The following PCDHA11 variants were observed in gnomAD, a reference collection of about 807,000 sequenced individuals.
PCDHA11 encodes the protein protocadherin alpha 11, also known as protocadherin alpha-11.
A neutral mutation model predicts 70.3 loss-of-function variants in PCDHA11; 61 were observed. The observed-to-expected ratio is 0.87, with a 90% CI of 0.71 to 1.07. PCDHA11 has a LOEUF of 1.07. Ranked by LOEUF, PCDHA11 falls within the 50% of genes least tolerant of loss-of-function variation. The pLI, the probability that PCDHA11 is intolerant of heterozygous loss-of-function variation, is 0.00. For missense variants in PCDHA11, 1,324 were observed against 1,237.5 expected (o/e 1.07, Z -1.05); for synonymous variants, 633 against 555.1 (o/e 1.14, Z -1.97).
At chr5:140,967,593 T>C (rs2096161783) in intron 1 of PCDHA11, 2 of 1,614,078 alleles carry the variant, frequency 1.2e-6, no homozygotes, top group Non-Finnish European at 1.7e-6. Context: ...GGCACATTGG[T>C]GGTGAAGCTG....
Position 140,877,413 on chromosome 5 carries a change from G to T in PCDHA11, c.2391+5919G>T, listed in dbSNP as rs540811233. 2.4e-5 allele frequency: 39 copies of T among 1,613,922 alleles called. No homozygotes were observed. The East Asian group carries it at 2.5e-4, about 10-fold the overall frequency. On this transcript the variant is annotated intron_variant, in intron 1 of 3. Transcript: ENST00000398640. Reference sequence around the variant, plus strand: ...AGGCGGACGCTCCGCGCCACCGCCTGCTGGTGCTGGTGAAGGACCACGGTG... The same window carrying T: ...AGGCGGACGCTCCGCGCCACCGCCTTCTGGTGCTGGTGAAGGACCACGGTG...
intron 1 of PCDHA11, among the ~76,000 whole-genome samples, chr5:140,919,535 ACTTTT>A (rs1310340464): frequency 1.3e-5 from 2 of 151,732 alleles, no homozygotes; most frequent in Non-Finnish European, 2.9e-5. Flanking sequence ...TTTTTCCTAT[ACTTTT>A]CATTTACTGA....
At position 140,870,731 on chromosome 5, in the gene PCDHA11, C is replaced by G. The variant is rs782095287; in HGVS notation, c.1628C>G (p.Pro543Arg). The G allele has an allele frequency of 6.2e-7, 1 of 1,613,444 alleles. No individual in the cohort carries two copies. The change falls in exon 1 of 4, where the codon CCT (proline) becomes CGT (arginine). Residue 543 changes from proline (P) to arginine (R), a missense_variant. Transcript: ENST00000398640. ...AGCGCGCGCGATGCGGGCGTGCCGC[C>G]TCTGAGCAGCAACGTGACGCTGCAG... Reference protein sequence around the residue: ...QVSARDAGVPPLSSNVTLQVF... With the variant: ...QVSARDAGVPRLSSNVTLQVF...
rs1366864610 is a variant in PCDHA11 at position 141,006,125 on chromosome 5, G to A, written c.2540-3502G>A. ...AAGGAGTTTTTTTTTTTTTTCTCAA[G>A]GCAGTAGAAAGCTTAAGCAGAGGAG... On this transcript the variant is annotated intron_variant, in intron 3 of 3. Transcript: ENST00000398640. 4.7e-5 allele frequency among the ~76,000 whole-genome samples: 7 copies of A among 149,644 alleles called. No individual in the cohort carries two copies. The South Asian group carries it at 1.3e-3, about 27-fold the overall frequency.
At chr5:140,877,789 A>G (rs2057339151) in intron 1 of PCDHA11, 1 of 1,613,954 alleles carries the variant, frequency 6.2e-7, no homozygotes, top group Non-Finnish European at 8.5e-7. Context: ...CATGGCCTTC[A>G]GCCCAAGCCT....
At chr5:140,886,361 G>A (rs374709389) in intron 1 of PCDHA11, among the ~76,000 whole-genome samples, 1 of 151,992 alleles carries the variant, frequency 6.6e-6, no homozygotes, top group African/African-American at 2.4e-5. Context: ...TTACATAGGT[G>A]TACATGCCAT....
chr5:140,941,227 C>CTT (rs797022976), intron 1 of PCDHA11, among the ~76,000 whole-genome samples: 1 of 136,000 alleles, frequency 7.4e-6, no homozygotes, highest in African/African-American at 2.8e-5. Context: ...TTCTTTCTTT[C>CTT]TTTCTTTCTT....
chr5:140,955,951 T>C (rs529805581), intron 1 of PCDHA11, among the ~76,000 whole-genome samples: 12 of 152,248 alleles, frequency 7.9e-5, no homozygotes, highest in South Asian at 2.1e-4. Context: ...GTCTACTTGC[T>C]TGTTGTTTGT....
rs1554164428 is a variant in PCDHA11, at chr5:140,870,568, G to T, written c.1465G>T (p.Val489Leu). 2 of 1,613,870 alleles carry T rather than the reference G, an allele frequency of 1.2e-6. No individual in the cohort carries two copies. Among genetic ancestry groups the T allele is most frequent in the African/African-American group, 1.3e-5 (1 of 74,948 alleles). The change falls in exon 1 of 4, where the codon GTG becomes TTG. Residue 489 changes from valine to leucine, a missense_variant. Val to Leu is a conservative substitution (Grantham distance 32, BLOSUM62 1). Transcript: ENST00000398640. Reference protein sequence around the residue: ...RDADAQENALVSYSLVERRLG... With the variant: ...RDADAQENALLSYSLVERRLG... The stretch of plus-strand genomic sequence containing the variant: ...CGCGGACGCGCAGGAGAACGCGCTG[G>T]TGTCCTACTCGCTGGTGGAGCGGCG...
chr5:140,883,995 C>A (rs1371206040), intron 1 of PCDHA11: 2 of 1,612,878 alleles, frequency 1.2e-6, no homozygotes, highest in Non-Finnish European at 8.5e-7. Flanking sequence ...GCGGGAGGCA[C>A]AGTGAGCGAG....
intron 1 of PCDHA11, among the ~76,000 whole-genome samples, chr5:140,963,886 T>C (rs1211703076): frequency 6.6e-6 from 1 of 152,236 alleles, no homozygotes; most frequent in African/African-American, 2.4e-5. Flanking sequence ...TTGTTTTCCT[T>C]AATTAAAATG....
chr5:140,913,764 T>C (rs2076457452), intron 1 of PCDHA11, among the ~76,000 whole-genome samples: 1 of 152,162 alleles, frequency 6.6e-6, no homozygotes, highest in Admixed American at 6.5e-5. Flanking sequence ...TCATAGGTTT[T>C]GGCATGTTGT....
At chr5:140,924,209 A>T (rs1470255016) in intron 1 of PCDHA11, among the ~76,000 whole-genome samples, 1 of 152,242 alleles carries the variant, frequency 6.6e-6, no homozygotes, top group Non-Finnish European at 1.5e-5. Flanking sequence ...AAATTTGGTG[A>T]AGAATAAGTT....
intron 1 of PCDHA11, among the ~76,000 whole-genome samples, chr5:140,907,450 T>C (rs1235040607): frequency 1.1e-4 from 17 of 152,218 alleles, no homozygotes; most frequent in Non-Finnish European, 2.5e-4. Context: ...CAGATGGTAA[T>C]CTTGGCAGAA....
chr5:140,888,754 C>CT lies in PCDHA11; in HGVS notation c.2391+17270dup, dbSNP rs782694187. Reference sequence around the variant, plus strand: ...TGAGCTCTAGGAATTATTCTACCCACTTTTTTTTTTAATTTTGAAGGGATA... The same window carrying CT: ...TGAGCTCTAGGAATTATTCTACCCACTTTTTTTTTTTAATTTTGAAGGGATA... On this transcript the variant is annotated intron_variant, in intron 1 of 3. Transcript: ENST00000398640. 7.0e-3 allele frequency among the ~76,000 whole-genome samples: 1,040 copies of CT among 148,666 alleles called. 3 individuals are homozygous for CT. The highest frequency in any genetic ancestry group is 0.038 in the Middle Eastern group (11 of 290).
chr5:140,884,384 G>T (rs782701367), intron 1 of PCDHA11: 1 of 1,613,972 alleles, frequency 6.2e-7, no homozygotes. Flanking sequence ...TGCCATCTGC[G>T]CGGTGTCCAG....
chr5:140,904,747 A>T (rs1462923024), intron 1 of PCDHA11, among the ~76,000 whole-genome samples: 1 of 151,918 alleles, frequency 6.6e-6, no homozygotes, highest in Non-Finnish European at 1.5e-5. Context: ...TATTATGACC[A>T]TTTTTGCAAG....
chr5:140,949,958 T>G (rs1192385409), intron 1 of PCDHA11, among the ~76,000 whole-genome samples: 1 of 151,896 alleles, frequency 6.6e-6, no homozygotes, highest in Non-Finnish European at 1.5e-5. Context: ...GTGGTTGCTG[T>G]AAGGATTACA....
intron 1 of PCDHA11, chr5:140,881,515 A>T (rs574115987): frequency 4.8e-6 from 1 of 207,066 alleles, no homozygotes; most frequent in Admixed American, 6.5e-5. Context: ...CACATACAAA[A>T]TCCCACACAT....
Sources: allele counts gnomAD v4.1 joint callset (sites outside exome capture counted in the v4.1 genomes callset), GRCh38; gene constraint gnomAD v4.1.1; transcripts MANE v1.5; gene names NCBI Gene and HGNC (gene_info 2026-07-23, HGNC 2026-07-21).